PLEKHA5: variants seen among roughly 807,000 people sequenced by gnomAD.
PLEKHA5 encodes the protein pleckstrin homology domain containing A5.
In PLEKHA5, 55 loss-of-function variants were observed where a neutral mutation model predicts 181.9. The observed-to-expected ratio is 0.30, with a 90% CI of 0.24 to 0.38. The LOEUF (loss-of-function observed/expected upper bound fraction) is 0.38. PLEKHA5 is among the 10% of genes least tolerant of loss of function. The pLI, the probability that PLEKHA5 is intolerant of heterozygous loss-of-function variation, is 1.00. For synonymous variants in PLEKHA5, 535 were observed against 529.4 expected (o/e 1.01, Z -0.15); for missense variants, 1,432 against 1,549.5 (o/e 0.92, Z 1.27).
chr12:19,172,456 C>T (rs575571226), intron 3 of PLEKHA5, among the ~76,000 whole-genome samples: 1 of 152,174 alleles, frequency 6.6e-6, no homozygotes, highest in African/African-American at 2.4e-5. Context: ...AAACAAACGA[C>T]CCGGGGGGGC....
intron 13 of PLEKHA5, chr12:19,288,124 G>A (rs2077631010): frequency 3.1e-6 from 1 of 321,764 alleles, no homozygotes; most frequent in African/African-American, 2.2e-5. Flanking sequence ...AACTAGGTGG[G>A]TTTCTTTACT....
At chr12:19,147,165 A>G (rs900060236) in intron 3 of PLEKHA5, 1 of 152,210 alleles carries the variant, frequency 6.6e-6, no homozygotes, top group Non-Finnish European at 1.5e-5. Flanking sequence ...TCTTCCTCTT[A>G]TATAGATTTT....
rs571771319 is a variant in PLEKHA5, at chr12:19,186,984, C to A, written c.227+54534C>A. ...GATGTGTGTCCTATGACTCTAACCA[C>A]CTATGGCATTATAGTTTCTTTTATT... On this transcript the variant is annotated intron_variant, in intron 3 of 31. Transcript: ENST00000429027. Among the ~76,000 whole-genome samples, 3 of 152,252 alleles carry A rather than the reference C, an allele frequency of 2.0e-5. No individual in the cohort carries two copies. In the East Asian group the frequency reaches 5.8e-4, roughly 29 times the overall value.
rs1344012737 is a variant in PLEKHA5 at position 19,323,811 on chromosome 12, GT to G, written c.2448+1147del. On this transcript the variant is annotated intron_variant, in intron 20 of 31. Coordinates refer to ENST00000429027, the MANE Select transcript of PLEKHA5 (RefSeq NM_001256470.2). Reference sequence around the variant, plus strand: ...AGCCTGGGCAACAGAGTGAGACTCTGTTTCAAAAAAAAAAAAAAAAAGAAAG... The same window carrying G: ...AGCCTGGGCAACAGAGTGAGACTCTGTTCAAAAAAAAAAAAAAAAAGAAAG... Among the ~76,000 whole-genome samples the G allele has an allele frequency of 1.5e-4, 9 of 58,306 alleles. No homozygotes were observed. The Admixed American group carries it at 2.1e-3, about 14-fold the overall frequency. 38.3% of individuals were successfully genotyped at this position (58,306 alleles called of 152,430 possible).
chr12:19,242,114 C>T (rs1471863792), intron 3 of PLEKHA5, among the ~76,000 whole-genome samples: 1 of 152,248 alleles, frequency 6.6e-6, no homozygotes, highest in South Asian at 2.1e-4. Context: ...CTGTAATACT[C>T]GGGATGGATG....
intron 15 of PLEKHA5, among the ~76,000 whole-genome samples, chr12:19,298,216 T>C (rs916941918): frequency 6.7e-6 from 1 of 149,478 alleles, no homozygotes. Context: ...AGAAGAGGAG[T>C]AGGAGGGACA....
At chr12:19,312,406 A>G (rs1205418936) in intron 15 of PLEKHA5, among the ~76,000 whole-genome samples, 2 of 152,260 alleles carry the variant, frequency 1.3e-5, no homozygotes, top group Non-Finnish European at 2.9e-5. Flanking sequence ...TATTTCGTCT[A>G]CATTGAAAAT....
intron 3 of PLEKHA5, among the ~76,000 whole-genome samples, chr12:19,198,556 T>C (rs977895524): frequency 1.3e-5 from 2 of 152,208 alleles, no homozygotes; most frequent in African/African-American, 2.4e-5. Flanking sequence ...TGAGAATATA[T>C]GCTCCATGAG....
chr12:19,356,406 C>G (rs2094929953), intron 26 of PLEKHA5, among the ~76,000 whole-genome samples: 1 of 151,808 alleles, frequency 6.6e-6, no homozygotes, highest in African/African-American at 2.4e-5. Context: ...ATGGTCTCAC[C>G]TACTCAAGAA....
chr12:19,139,191 T>G (rs1304068969), intron 3 of PLEKHA5, among the ~76,000 whole-genome samples: 1 of 151,538 alleles, frequency 6.6e-6, no homozygotes, highest in African/African-American at 2.4e-5. Flanking sequence ...AAAAAAGAGG[T>G]CAAAAGCTCC....
chr12:19,369,097 C>T (rs1272140622), intron 30 of PLEKHA5, among the ~76,000 whole-genome samples: 1 of 151,938 alleles, frequency 6.6e-6, no homozygotes, highest in African/African-American at 2.4e-5. Context: ...TACAGTGGTA[C>T]AATCTCAGCT....
chr12:19,366,122 C>T lies in PLEKHA5; in HGVS notation c.3754+13C>T, dbSNP rs758619732. On this transcript the variant is annotated intron_variant, in intron 30 of 31. Coordinates refer to ENST00000429027, the MANE Select transcript of PLEKHA5 (RefSeq NM_001256470.2). ...CAAACAATGGCAGGTAGGTAGTATA[C>T]ACTTCATAATTTTCTACCTGGTGCT... 6.3e-7 allele frequency: 1 copy of T among 1,590,008 alleles called. No homozygotes were observed. The highest frequency in any genetic ancestry group is 1.1e-5 in the South Asian group (1 of 87,154).
chr12:19,232,413 C>T (rs1228454196), intron 3 of PLEKHA5, among the ~76,000 whole-genome samples: 2 of 151,914 alleles, frequency 1.3e-5, no homozygotes, highest in African/African-American at 2.4e-5. Flanking sequence ...CTACTAATCT[C>T]GTACAAGAAG....
intron 28 of PLEKHA5, among the ~76,000 whole-genome samples, chr12:19,361,262 A>C (rs1012941020): frequency 6.6e-6 from 1 of 152,018 alleles, no homozygotes. Flanking sequence ...CGCTCACTGC[A>C]TGCTCCACCT....
chr12:19,218,730 T>C (rs2058424725), intron 3 of PLEKHA5, among the ~76,000 whole-genome samples: 2 of 152,182 alleles, frequency 1.3e-5, no homozygotes, highest in Admixed American at 6.5e-5. Flanking sequence ...AAACAGTTGA[T>C]AGAAAGGTTG....
At chr12:19,262,448 A>G (rs534653221) in intron 7 of PLEKHA5, among the ~76,000 whole-genome samples, 35 of 152,258 alleles carry the variant, frequency 2.3e-4, no homozygotes, top group African/African-American at 8.2e-4. Flanking sequence ...CATGTTGTCC[A>G]GGCTGGTCTC....
At chr12:19,286,282 T>TA (rs2077193929) in intron 12 of PLEKHA5, among the ~76,000 whole-genome samples, 1 of 152,184 alleles carries the variant, frequency 6.6e-6, no homozygotes, top group South Asian at 2.1e-4. Context: ...AAAGTACAAA[T>TA]AGACCAAGTG....
chr12:19,286,255 T>G (rs774798672), intron 12 of PLEKHA5, among the ~76,000 whole-genome samples: 10 of 152,208 alleles, frequency 6.6e-5, no homozygotes, highest in Non-Finnish European at 1.2e-4. Context: ...CAGTGTTTGA[T>G]GTCACAAGAT....
chr12:19,359,593 G>A (rs774486273), intron 28 of PLEKHA5, 47 bp downstream of exon 28: 1 of 1,547,898 alleles, frequency 6.5e-7, no homozygotes, highest in Non-Finnish European at 8.9e-7. Context: ...ATAGATTTGT[G>A]AAGATTAAAT....
Sources: gnomAD v4.1 joint callset for allele counts (sites outside exome capture counted in the v4.1 genomes callset) on GRCh38, gnomAD v4.1.1 for gene constraint, MANE v1.5 for transcripts, NCBI Gene and HGNC (gene_info 2026-07-23, HGNC 2026-07-21) for gene names.